The following TAF1 variants were observed in gnomAD, a reference collection of about 807,000 sequenced individuals.
TAF1 encodes the protein TATA-box binding protein associated factor 1.
TAF1 carries 2 observed loss-of-function variants against 138.5 expected under a neutral mutation model. That is an observed-to-expected ratio of 0.01 (90% CI 0.01 to 0.05). TAF1 has a LOEUF of 0.05. Ranked by LOEUF, TAF1 falls within the 10% of genes least tolerant of loss-of-function variation. The pLI, the probability that TAF1 is intolerant of heterozygous loss-of-function variation, is 1.00. For missense variants in TAF1, 709 were observed against 1,478.0 expected, an observed-to-expected ratio of 0.48 and a Z score of 8.53; for synonymous variants, 437 against 503.2, an observed-to-expected ratio of 0.87 and a Z score of 1.76.
chrX:71,452,321 G>A (rs1240385835), intron 32 of TAF1, among the ~76,000 whole-genome samples: 19 of 108,531 alleles, frequency 1.8e-4, no homozygotes, highest in Admixed American at 5.8e-4. Context: ...GTTGCCGGGC[G>A]GAGGGTCTCC....
chrX:71,369,694 C>G (rs1170358580), intron 3 of TAF1, among the ~76,000 whole-genome samples: 1 of 107,320 alleles, frequency 9.3e-6, no homozygotes, highest in Non-Finnish European at 1.9e-5. Context: ...CAAGCTCTGC[C>G]TCCCAGGTTC....
intron 35 of TAF1, 52 bp from the exon 36 acceptor site, chrX:71,459,500 T>A (rs1318832075): frequency 9.3e-6 from 11 of 1,187,205 alleles, no homozygotes; most frequent in Non-Finnish European, 1.2e-5. Context: ...TGGCTTCTGG[T>A]CTCTTATGTG....
At chrX:71,423,811 T>C in intron 30 of TAF1, among the ~76,000 whole-genome samples, 163 bp from the exon 31 acceptor site, 1 of 112,183 alleles carries the variant, frequency 8.9e-6, no homozygotes. Flanking sequence ...TAAAGGAATC[T>C]ATGAACCCCT....
intron 28 of TAF1, among the ~76,000 whole-genome samples, chrX:71,417,036 A>C (rs2036050890): frequency 9.1e-6 from 1 of 109,933 alleles, no homozygotes; most frequent in Admixed American, 9.8e-5. Flanking sequence ...AAAAAAAAAA[A>C]AAATTTCATA....
intron 37 of TAF1, 170 bp downstream of exon 37, chrX:71,460,973 C>A (rs2038527706): frequency 1.5e-5 from 9 of 586,242 alleles, no homozygotes; most frequent in Non-Finnish European, 2.4e-5. Context: ...ATATCCTGCC[C>A]TTGAGGAGCC....
At chrX:71,489,229 T>C (rs2039229946) in intron 13 of TAF1, among the ~76,000 whole-genome samples, 1 of 111,187 alleles carries the variant, frequency 9.0e-6, no homozygotes, top group Non-Finnish European at 1.9e-5. Flanking sequence ...AATTACTCAA[T>C]CTTGGCCAAA....
At position 71,502,368 on chromosome X, in the gene TAF1, G is replaced by A. The variant is rs759506292; in HGVS notation, c.1367-26174G>A. 5.9e-4 allele frequency among the ~76,000 whole-genome samples: 66 copies of A among 110,972 alleles called. 1 individual carries two copies. In the Admixed American group the frequency reaches 6.3e-3, roughly 11 times the overall value. On this transcript the variant is annotated intron_variant and NMD_transcript_variant, in intron 13 of 14. Transcript: ENST00000373775. ...TTAGCGAGACACAGAGTGCTGACTG[G>A]TGCATTTACAATCCTTTAGCTAGAC... is the stretch of plus-strand genomic sequence containing the variant.
downstream of TAF1, among the ~76,000 whole-genome samples, chrX:71,468,682 CTCA>C (rs2038818642): frequency 1.1e-5 from 1 of 87,071 alleles, no homozygotes; most frequent in African/African-American, 4.4e-5. Flanking sequence ...GAGACTCCCT[CTCA>C]AAAAAAAAAA....
At chrX:71,408,285 G>A in intron 28 of TAF1, 134 bp downstream of exon 28, 15 of 754,821 alleles carry the variant, frequency 2.0e-5, no homozygotes, top group Non-Finnish European at 2.8e-5. Context: ...ATGAAAATCA[G>A]GTAATGTACA....
chrX:71,437,914 C>T (rs2037226802), intron 32 of TAF1, among the ~76,000 whole-genome samples: 1 of 104,274 alleles, frequency 9.6e-6, no homozygotes. Context: ...TGGCTTACTG[C>T]AACCTCCGCT....
intron 13 of TAF1, among the ~76,000 whole-genome samples, chrX:71,473,534 C>T (rs1024384945): frequency 2.7e-5 from 3 of 109,298 alleles, no homozygotes; most frequent in Non-Finnish European, 5.7e-5. Context: ...TTTAATTAGT[C>T]GGGCATGGTG....
chrX:71,416,210 CTT>C (rs1274098575), intron 28 of TAF1, among the ~76,000 whole-genome samples: 4 of 35,199 alleles, frequency 1.1e-4, no homozygotes, highest in Non-Finnish European at 2.3e-4. Flanking sequence ...TATAGTGAGA[CTT>C]TGTCTCACTA....
Position 71,394,219 on chromosome X carries a change from G to A in TAF1, c.3380G>A (p.Arg1127Gln). Residue 1127 changes from arginine to glutamine, a missense_variant, in exon 22 of 38, where the codon CGG (arginine) becomes CAG (glutamine). Arg to Gln is a conservative substitution (Grantham distance 43, BLOSUM62 1). Around this residue, in one of 14 missense-constraint regions of TAF1, gnomAD observed 31 missense variants for 52.2 expected, o/e 0.59. Transcript: ENST00000423759. ...QLSREREEQERKELQRMLLAA... is the reference protein window; with the variant it reads ...QLSREREEQEQKELQRMLLAA... Reference sequence around the variant, plus strand: ...TCACGTGAACGGGAGGAACAGGAGCGGAAGGAACTACAGCGAATGCTACTG... The same window carrying A: ...TCACGTGAACGGGAGGAACAGGAGCAGAAGGAACTACAGCGAATGCTACTG... 8.3e-7 allele frequency: 1 copy of A among 1,210,654 alleles called. No individual in the cohort carries two copies. Among genetic ancestry groups the A allele is most frequent in the Non-Finnish European group, 1.1e-6 (1 of 894,890 alleles).
rs1290090578 is a variant in TAF1 at position 71,483,803 on chromosome X, T to TATATATAC, written c.1366+23001_1366+23002insTATATACA. Reference sequence around the variant, plus strand: ...CTCTATATATATATATATATATATATACACACACATCCCTCATTATTTTTT... The same window carrying TATATATAC: ...CTCTATATATATATATATATATATATATATATACACACACACATCCCTCATTATTTTTT... On this transcript the variant is annotated intron_variant and NMD_transcript_variant, in intron 13 of 14. Coordinates refer to the TAF1 transcript ENST00000373775. 3.9e-3 allele frequency among the ~76,000 whole-genome samples: 363 copies of TATATATAC among 92,767 alleles called. 3 individuals carry two copies. The highest frequency in any genetic ancestry group is 0.013 in the African/African-American group (298 of 23,285). The allele number at this position is 92,767 out of a possible 115,157, so 80.6% of individuals were successfully genotyped here. A position where few individuals can be genotyped will look rare whatever the true frequency, so the allele number is the denominator to read the frequency against.
At chrX:71,493,023 CT>C (rs755348406) in intron 13 of TAF1, 167 of 103,547 alleles carry the variant, frequency 1.6e-3, no homozygotes, top group Non-Finnish European at 1.6e-3. Context: ...TTCATTTTAA[CT>C]TTTTTTTTTT....
chrX:71,388,995 T>C (rs2034406980), intron 17 of TAF1, 127 bp downstream of exon 17: 4 of 805,387 alleles, frequency 5.0e-6, no homozygotes, highest in African/African-American at 2.1e-5. Flanking sequence ...TACTAGATTA[T>C]TACCAATTAC....
chrX:71,392,811 C>G (rs1032978083), intron 19 of TAF1, 64 bp from the exon 20 acceptor site: 1 of 1,199,650 alleles, frequency 8.3e-7, no homozygotes, highest in African/African-American at 1.8e-5. Context: ...AGCAGAATGA[C>G]TTAGATGCCT....
chrX:71,496,049 G>A (rs989479071), intron 13 of TAF1, among the ~76,000 whole-genome samples: 15 of 112,392 alleles, frequency 1.3e-4, no homozygotes, highest in African/African-American at 4.5e-4. Context: ...AGGTTTGGCT[G>A]AGTGCAAACA....
At chrX:71,381,210 A>G (rs1399173328) in intron 8 of TAF1, among the ~76,000 whole-genome samples, 1 of 112,440 alleles carries the variant, frequency 8.9e-6, no homozygotes, top group Non-Finnish European at 1.9e-5. Context: ...GGCTATTTAA[A>G]TTTCAACTAT....
Sources: gnomAD v4.1 joint callset for allele counts (sites outside exome capture counted in the v4.1 genomes callset) on GRCh38, gnomAD v4.1.1 for gene constraint, gnomAD v4.1.1 regional missense constraint, MANE v1.5 for transcripts, NCBI Gene and HGNC (gene_info 2026-07-23, HGNC 2026-07-21) for gene names.